Variants in SH3GL2 observed in about 807,000 individuals in gnomAD.
The protein encoded by SH3GL2 is SH3 domain containing GRB2 like 2, endophilin A1.
A neutral mutation model predicts 46.0 loss-of-function variants in SH3GL2; 24 were observed. The observed-to-expected ratio is 0.52, with a 90% CI of 0.38 to 0.73. SH3GL2 has a LOEUF of 0.73. Ranked by LOEUF, SH3GL2 falls within the 30% of genes least tolerant of loss-of-function variation. The pLI is 0.00. For synonymous variants in SH3GL2, 196 were observed against 147.1 expected, an observed-to-expected ratio of 1.33 and a Z score of -2.40; for missense variants, 413 against 424.2, an observed-to-expected ratio of 0.97 and a Z score of 0.23.
intron 1 of SH3GL2, among the ~76,000 whole-genome samples, chr9:17,679,967 C>T (rs1820724794): frequency 6.6e-6 from 1 of 152,162 alleles, no homozygotes; most frequent in Non-Finnish European, 1.5e-5. Context: ...CCTTGCATCC[C>T]TGGGATGAAG....
intron 1 of SH3GL2, among the ~76,000 whole-genome samples, chr9:17,650,086 C>T (rs1588205419): frequency 1.3e-5 from 2 of 152,074 alleles, no homozygotes; most frequent in Admixed American, 1.3e-4. Context: ...TGAGATCATA[C>T]CAACTCTGAT....
At chr9:17,713,730 T>TG (rs1235877559) in intron 1 of SH3GL2, among the ~76,000 whole-genome samples, 13 of 151,868 alleles carry the variant, frequency 8.6e-5, no homozygotes, top group African/African-American at 2.9e-4. Context: ...AATTCCATTG[T>TG]GGTTAGAGAA....
At chr9:17,592,141 G>T (rs952508280) in intron 1 of SH3GL2, among the ~76,000 whole-genome samples, 1 of 152,196 alleles carries the variant, frequency 6.6e-6, no homozygotes, top group Non-Finnish European at 1.5e-5. Context: ...AGCTGCTGGT[G>T]TAAGCCCCAA....
At chr9:17,580,849 C>CT (rs755327972) in intron 1 of SH3GL2, among the ~76,000 whole-genome samples, 2 of 152,194 alleles carry the variant, frequency 1.3e-5, no homozygotes, top group East Asian at 1.9e-4. Context: ...ACCAACACAT[C>CT]TTTTTTCCAC....
intron 1 of SH3GL2, among the ~76,000 whole-genome samples, chr9:17,594,348 A>G (rs904612180): frequency 2.0e-5 from 3 of 152,040 alleles, no homozygotes; most frequent in Admixed American, 1.3e-4. Context: ...TCCACTTGGT[A>G]TTTGATTAAT....
chr9:17,707,734 A>G (rs1821508470), intron 1 of SH3GL2, among the ~76,000 whole-genome samples: 1 of 152,082 alleles, frequency 6.6e-6, no homozygotes, highest in South Asian at 2.1e-4. Context: ...GACACTTTAC[A>G]GCTATTAGAC....
chr9:17,672,992 G>C (rs997553120), intron 1 of SH3GL2, among the ~76,000 whole-genome samples: 2 of 152,050 alleles, frequency 1.3e-5, no homozygotes, highest in Non-Finnish European at 1.5e-5. Context: ...GTCATGTCTT[G>C]GGTAGTATTT....
intron 6 of SH3GL2, among the ~76,000 whole-genome samples, chr9:17,790,080 C>T (rs1306189166): frequency 6.6e-6 from 1 of 152,080 alleles, no homozygotes; most frequent in Admixed American, 6.5e-5. Flanking sequence ...GGTGCAAGTC[C>T]CAGAGTCCAA....
At chr9:17,731,028 T>C (rs1458602827) in intron 1 of SH3GL2, among the ~76,000 whole-genome samples, 3 of 152,144 alleles carry the variant, frequency 2.0e-5, no homozygotes, top group Non-Finnish European at 2.9e-5. Context: ...TATGTTCTTA[T>C]GCATGCCAGC....
intron 1 of SH3GL2, among the ~76,000 whole-genome samples, chr9:17,723,697 A>G (rs899087053): frequency 3.3e-5 from 5 of 151,908 alleles, no homozygotes; most frequent in Non-Finnish European, 5.9e-5. Flanking sequence ...TTCTTCGTCT[A>G]TTTGCCTGAG....
chr9:17,690,808 A>T (rs972716704), intron 1 of SH3GL2, among the ~76,000 whole-genome samples: 5 of 152,180 alleles, frequency 3.3e-5, no homozygotes, highest in Non-Finnish European at 5.9e-5. Flanking sequence ...TGGTCTCCAT[A>T]TCATGAGAAT....
intron 1 of SH3GL2, among the ~76,000 whole-genome samples, chr9:17,702,426 A>C (rs1405498255): frequency 6.7e-6 from 1 of 150,272 alleles, no homozygotes; most frequent in Non-Finnish European, 1.5e-5. Context: ...CGATATAAAG[A>C]GGAGAAATGT....
rs189309103 is a variant in SH3GL2, at chr9:17,601,672, C to T, written c.45+22385C>T. Among the ~76,000 whole-genome samples, 146 of 152,258 alleles carry T rather than the reference C, an allele frequency of 9.6e-4. 2 individuals carry two copies. Among genetic ancestry groups the T allele is most frequent in the Non-Finnish European group, 1.8e-4 (12 of 68,032 alleles). ...TTTTTTGTAGGGATAGCAGAGGAAGCCAGTGAGTGGTTCAATAACATTGTT... is the reference window on the plus strand; with the variant it reads ...TTTTTTGTAGGGATAGCAGAGGAAGTCAGTGAGTGGTTCAATAACATTGTT... On this transcript the variant is annotated intron_variant, in intron 1 of 8. Coordinates refer to ENST00000380607, the MANE Select transcript of SH3GL2 (RefSeq NM_003026.5).
intron 1 of SH3GL2, among the ~76,000 whole-genome samples, chr9:17,725,564 C>T (rs1481483969): frequency 6.6e-6 from 1 of 152,126 alleles, no homozygotes; most frequent in Non-Finnish European, 1.5e-5. Context: ...CAGGGCATGC[C>T]ATTTCTCCTG....
chr9:17,604,444 T>C (rs1220823981), intron 1 of SH3GL2, among the ~76,000 whole-genome samples: 1 of 152,246 alleles, frequency 6.6e-6, no homozygotes, highest in East Asian at 1.9e-4. Flanking sequence ...CACATGAATC[T>C]TAGCCGTTTG....
At chr9:17,693,999 T>C (rs1821146145) in intron 1 of SH3GL2, among the ~76,000 whole-genome samples, 1 of 152,230 alleles carries the variant, frequency 6.6e-6, no homozygotes, top group Non-Finnish European at 1.5e-5. Flanking sequence ...TTTCCTACTT[T>C]CTTCCATGCC....
intron 2 of SH3GL2, among the ~76,000 whole-genome samples, chr9:17,756,688 G>C (rs897831460): frequency 6.6e-6 from 1 of 152,012 alleles, no homozygotes; most frequent in African/African-American, 2.4e-5. Flanking sequence ...GTATTCCATG[G>C]TGTATATGTG....
chr9:17,749,665 AAAG>A (rs1239108839), intron 2 of SH3GL2, among the ~76,000 whole-genome samples: 1 of 152,232 alleles, frequency 6.6e-6, no homozygotes, highest in Non-Finnish European at 1.5e-5. Context: ...ATGAGACTAA[AAAG>A]AACAGGAAAT....
chr9:17,768,329 C>T (rs1035235710), intron 3 of SH3GL2, among the ~76,000 whole-genome samples: 1 of 147,138 alleles, frequency 6.8e-6, no homozygotes, highest in Non-Finnish European at 1.5e-5. Flanking sequence ...CAGGATCATG[C>T]CACTGCACTG....
Sources: allele counts gnomAD v4.1 joint callset (sites outside exome capture counted in the v4.1 genomes callset), GRCh38; gene constraint gnomAD v4.1.1; transcripts MANE v1.5; gene names NCBI Gene and HGNC (gene_info 2026-07-23, HGNC 2026-07-21).